ADCY2: variants seen among roughly 807,000 people sequenced by gnomAD.
ADCY2 encodes adenylate cyclase type 2.
In ADCY2, 31 loss-of-function variants were observed where a neutral mutation model predicts 125.2. That is an observed-to-expected ratio of 0.25 (90% CI 0.19 to 0.33). ADCY2 has a LOEUF of 0.33. ADCY2 is among the 10% of genes least tolerant of loss of function. The pLI, the probability that ADCY2 is intolerant of heterozygous loss-of-function variation, is 1.00. For synonymous variants in ADCY2, 512 were observed against 548.4 expected, an observed-to-expected ratio of 0.93 and a Z score of 0.93; for missense variants, 904 against 1,418.2, an observed-to-expected ratio of 0.64 and a Z score of 5.82.
intron 18 of ADCY2, among the ~76,000 whole-genome samples, chr5:7,781,092 C>T (rs2126493427): frequency 6.6e-6 from 1 of 152,300 alleles, no homozygotes; most frequent in East Asian, 1.9e-4. Flanking sequence ...GTTATATTAG[C>T]TGTGTCTTCT....
intron 3 of ADCY2, among the ~76,000 whole-genome samples, chr5:7,595,572 G>A (rs1267758913): frequency 2.0e-5 from 3 of 152,048 alleles, no homozygotes; most frequent in Non-Finnish European, 4.4e-5. Flanking sequence ...TCAAAACTTA[G>A]GAGTGTTTGA....
At chr5:7,480,445 T>C (rs923072364) in intron 2 of ADCY2, among the ~76,000 whole-genome samples, 8 of 152,178 alleles carry the variant, frequency 5.3e-5, no homozygotes, top group Non-Finnish European at 1.2e-4. Flanking sequence ...GATCATGTCC[T>C]TTGCAGGGAT....
Position 7,784,049 on chromosome 5 carries a change from C to T in ADCY2, c.2385-316C>T, listed in dbSNP as rs1222250500. The stretch of plus-strand genomic sequence containing the variant: ...GTAATGATGAAAACATTGAAGAAAC[C>T]ATCGATCCAATTACCCATACTGATC... On this transcript the variant is annotated intron_variant, in intron 18 of 24. Coordinates refer to ENST00000338316, the MANE Select transcript of ADCY2 (RefSeq NM_020546.3). 1.4e-4 allele frequency among the ~76,000 whole-genome samples: 21 copies of T among 152,136 alleles called. 1 individual carries two copies. Among genetic ancestry groups the T allele is most frequent in the Admixed American group, 1.4e-3 (21 of 15,280 alleles).
At chr5:7,718,349 C>A (rs899415667) in intron 12 of ADCY2, among the ~76,000 whole-genome samples, 5 of 151,910 alleles carry the variant, frequency 3.3e-5, no homozygotes, top group Non-Finnish European at 5.9e-5. Context: ...AGGGTTTCAC[C>A]GTGTTAGCCA....
chr5:7,750,301 G>A (rs1742765631), intron 15 of ADCY2, among the ~76,000 whole-genome samples: 1 of 151,956 alleles, frequency 6.6e-6, no homozygotes, highest in Non-Finnish European at 1.5e-5. Flanking sequence ...ACCGTAACAT[G>A]TACACATGAT....
In ADCY2 at chr5:7,731,600, A is replaced by AT. The variant is rs199885297; in HGVS notation, c.1871+4349dup. ...ATTATATGGAAATATCACTTCTTTT[A>AT]TTTTTTTTTTGTTATTATTTTGAGA... On this transcript the variant is annotated intron_variant, in intron 14 of 24. Transcript: ENST00000338316. Among the ~76,000 whole-genome samples, 733 of 141,564 alleles carry AT rather than the reference A, an allele frequency of 5.2e-3. 10 individuals carry two copies. The highest frequency in any genetic ancestry group is 0.024 in the East Asian group (113 of 4,744). The allele number at this position is 141,564 out of a possible 152,430, so 92.9% of individuals were successfully genotyped here.
chr5:7,552,075 T>A (rs1389139683), intron 3 of ADCY2, among the ~76,000 whole-genome samples: 1 of 152,176 alleles, frequency 6.6e-6, no homozygotes, highest in African/African-American at 2.4e-5. Flanking sequence ...GAGAATCCTA[T>A]AATATTTGGA....
At chr5:7,439,563 A>ACAC (rs1740932677) in intron 2 of ADCY2, among the ~76,000 whole-genome samples, 1 of 143,248 alleles carries the variant, frequency 7.0e-6, no homozygotes, top group Admixed American at 7.1e-5. Flanking sequence ...CACACACACA[A>ACAC]AAGTATGTGT....
chr5:7,458,899 C>T (rs188470658), intron 2 of ADCY2, among the ~76,000 whole-genome samples: 175 of 152,256 alleles, frequency 1.1e-3, no homozygotes, highest in African/African-American at 3.8e-3. Flanking sequence ...GAGGGCCGCT[C>T]ATTAGGATGG....
chr5:7,678,787 T>C (rs770243096), intron 4 of ADCY2, among the ~76,000 whole-genome samples: 3 of 152,202 alleles, frequency 2.0e-5, no homozygotes, highest in Admixed American at 6.5e-5. Flanking sequence ...GGTTATGTAA[T>C]TTACCCATTG....
intron 22 of ADCY2, among the ~76,000 whole-genome samples, chr5:7,806,185 T>G (rs1483459501): frequency 6.6e-6 from 1 of 152,188 alleles, no homozygotes; most frequent in Non-Finnish European, 1.5e-5. Context: ...ATGTACAACA[T>G]TCTTTTAATT....
intron 2 of ADCY2, among the ~76,000 whole-genome samples, chr5:7,453,454 T>C (rs1741547653): frequency 6.6e-6 from 1 of 152,214 alleles, no homozygotes; most frequent in South Asian, 2.1e-4. Context: ...ACAACAGTTC[T>C]TGTTACTGGC....
At chr5:7,628,930 T>C (rs1236303561) in intron 4 of ADCY2, among the ~76,000 whole-genome samples, 2 of 152,124 alleles carry the variant, frequency 1.3e-5, no homozygotes, top group Admixed American at 6.5e-5. Context: ...GAGAGGCCCC[T>C]GAAACACTGA....
Position 7,509,395 on chromosome 5 carries a change from C to A in ADCY2, c.409-11343C>A, listed in dbSNP as rs1372830103. On this transcript the variant is annotated intron_variant, in intron 2 of 24. Transcript: ENST00000338316. Reference sequence around the variant, plus strand: ...CAGCGTAGAGGCTGAGGGTTCAGAACAGATGAAGAGCTGGAGAAGACAGTC... The same window carrying A: ...CAGCGTAGAGGCTGAGGGTTCAGAAAAGATGAAGAGCTGGAGAAGACAGTC... 3.8e-4 allele frequency among the ~76,000 whole-genome samples: 58 copies of A among 152,180 alleles called. 1 individual carries two copies. Among genetic ancestry groups the A allele is most frequent in the Non-Finnish European group, 2.9e-5 (2 of 68,042 alleles).
intron 4 of ADCY2, among the ~76,000 whole-genome samples, chr5:7,679,815 G>T (rs768307603): frequency 6.6e-6 from 1 of 152,198 alleles, no homozygotes; most frequent in Non-Finnish European, 1.5e-5. Flanking sequence ...CCAATGGATT[G>T]TCTCCCAGTA....
intron 24 of ADCY2, among the ~76,000 whole-genome samples, chr5:7,824,850 CTCATGGTTTCCTTGCACT>C (rs555697895): frequency 1.3e-5 from 2 of 152,332 alleles, no homozygotes; most frequent in African/African-American, 4.8e-5. Context: ...AGCACAGCCC[CTCATGGTTTCCTTGCACT>C]TCTACCTCTG....
At chr5:7,731,966 T>C (rs1742117060) in intron 14 of ADCY2, among the ~76,000 whole-genome samples, 1 of 152,230 alleles carries the variant, frequency 6.6e-6, no homozygotes, top group Non-Finnish European at 1.5e-5. Flanking sequence ...CCATTTAGTC[T>C]ATCTGTTAAG....
At chr5:7,490,187 T>C (rs1475202071) in intron 2 of ADCY2, among the ~76,000 whole-genome samples, 1 of 152,216 alleles carries the variant, frequency 6.6e-6, no homozygotes. Context: ...TAGTTCTTTT[T>C]CTTATTACAA....
intron 2 of ADCY2, among the ~76,000 whole-genome samples, chr5:7,513,391 T>C (rs1464681041): frequency 6.6e-6 from 1 of 152,242 alleles, no homozygotes; most frequent in East Asian, 1.9e-4. Flanking sequence ...AATAATCATC[T>C]AGGTGAAAAC....
Sources: allele counts gnomAD v4.1 joint callset (sites outside exome capture counted in the v4.1 genomes callset), GRCh38; gene constraint gnomAD v4.1.1; transcripts MANE v1.5; gene names NCBI Gene and HGNC (gene_info 2026-07-23, HGNC 2026-07-21).